MICAL2: variants seen among roughly 807,000 people sequenced by gnomAD.
MICAL2 encodes microtubule associated monooxygenase, calponin and LIM domain containing 2, also known as [F-actin]-monooxygenase MICAL2.
In MICAL2, 77 loss-of-function variants were observed where a neutral mutation model predicts 127.3. The observed-to-expected ratio is 0.60, with a 90% CI of 0.50 to 0.73. The LOEUF is 0.73. Among genes scored for constraint, MICAL2 ranks in the 30% least tolerant of loss-of-function variants. The probability of loss-of-function intolerance (pLI) is 0.00; values close to 1 mark genes in which losing one functional copy is unlikely to be tolerated. For missense variants in MICAL2, 1,351 were observed against 1,434.4 expected (o/e 0.94, Z 0.94); for synonymous variants, 570 against 551.1 (o/e 1.03, Z -0.48).
intron 27 of MICAL2, 112 bp downstream of exon 27, chr11:12,262,649 A>G (rs1223705463): frequency 1.8e-5 from 16 of 905,008 alleles, no homozygotes; most frequent in South Asian, 1.7e-4. Context: ...AGTGTCTTGC[A>G]TACTGATGGA....
Position 12,241,034 on chromosome 11 carries a change from T to C in MICAL2, c.2215-6T>C. On this transcript the variant is annotated splice_polypyrimidine_tract_variant and splice_region_variant and intron_variant, in intron 17 of 27. Coordinates refer to ENST00000683283, the MANE Select transcript of MICAL2 (RefSeq NM_001282663.2). ...TGCTTTTTTGGACTCGCCTTTCTTC[T>C]CCCAGGAACGCCGTGTCTCAGGGAT... is the stretch of plus-strand genomic sequence containing the variant. The C allele has an allele frequency of 1.9e-6, 3 of 1,613,262 alleles. No individual in the cohort carries two copies. Among genetic ancestry groups the C allele is most frequent in the Non-Finnish European group, 2.5e-6 (3 of 1,179,614 alleles).
At chr11:12,139,452 G>A (rs1333225141) in intron 2 of MICAL2, among the ~76,000 whole-genome samples, 2 of 152,156 alleles carry the variant, frequency 1.3e-5, no homozygotes, top group East Asian at 3.9e-4. Context: ...TGAGGGGAGA[G>A]CATCAGGGCC....
downstream of MICAL2, among the ~76,000 whole-genome samples, chr11:12,288,509 T>A (rs1863855228): frequency 6.6e-6 from 1 of 152,168 alleles, no homozygotes; most frequent in Admixed American, 6.5e-5. Context: ...AGCCCCATGG[T>A]GTCTGGGATG....
intron 27 of MICAL2, 87 bp downstream of exon 27, chr11:12,262,624 G>A (rs1863285105): frequency 2.6e-6 from 3 of 1,140,818 alleles, no homozygotes; most frequent in Non-Finnish European, 4.0e-6. Flanking sequence ...AGCAGTACTG[G>A]TTGCACTAAC....
chr11:12,343,406 T>TAAA (rs57546290), intron 32 of MICAL2, among the ~76,000 whole-genome samples: 2,001 of 110,058 alleles, frequency 0.018, 39 homozygotes, highest in South Asian at 0.022. Flanking sequence ...TTCATCTCAT[T>TAAA]AAAAAAAAAA....
rs143416544 is a variant in MICAL2 at position 12,251,320 on chromosome 11, G to T, written c.2847+2074G>T. 4.4e-3 allele frequency among the ~76,000 whole-genome samples: 670 copies of T among 151,962 alleles called. 3 individuals carry two copies. The highest frequency in any genetic ancestry group is 0.016 in the African/African-American group (644 of 41,384). ...ATATCCTCACTCTGAGAGCCGGTAA[G>T]GCCGTCCTGCTGTCAAGAAATAGAA... On this transcript the variant is annotated intron_variant, in intron 22 of 27. Coordinates refer to ENST00000683283, the MANE Select transcript of MICAL2 (RefSeq NM_001282663.2).
intron 32 of MICAL2, among the ~76,000 whole-genome samples, chr11:12,329,624 C>A (rs956053306): frequency 4.6e-5 from 7 of 152,104 alleles, no homozygotes; most frequent in African/African-American, 1.7e-4. Context: ...AGATAATAAT[C>A]CCCATATTAT....
intron 2 of MICAL2, among the ~76,000 whole-genome samples, chr11:12,149,014 G>T (rs1408095205): frequency 6.6e-6 from 1 of 152,200 alleles, no homozygotes. Context: ...ATGGTGGGTT[G>T]GGTTTGGTGA....
rs1409354170 is a variant in MICAL2, at chr11:12,209,540, G to T, written c.633G>T (p.Leu211=). 4.3e-6 allele frequency: 7 copies of T among 1,614,168 alleles called. No homozygotes were observed. The highest frequency in any genetic ancestry group is 1.7e-5 in the Admixed American group (1 of 60,012). The change falls in exon 6 of 28, where the codon CTG becomes CTT. Residue 211 remains leucine (L), a synonymous_variant. Transcript: ENST00000683283. The part of the protein sequence containing the change: ...RAEFLPTDHS[L]SEFEFDVIIG... ...AATTTCTCCCTACAGACCATTCTCT[G>T]TCGGAGTTTGAGTTTGACGTCATCA...
At chr11:12,219,299 T>C (rs1386677030) in intron 8 of MICAL2, among the ~76,000 whole-genome samples, 2 of 152,068 alleles carry the variant, frequency 1.3e-5, no homozygotes, top group African/African-American at 4.8e-5. Context: ...CTCTCTTCAA[T>C]CCTCACATCC....
chr11:12,242,592 CA>C, intron 19 of MICAL2, 78 bp from the exon 20 acceptor site: 1 of 1,481,260 alleles, frequency 6.8e-7, no homozygotes, highest in Non-Finnish European at 9.4e-7. Flanking sequence ...CTGCCTCCCT[CA>C]CCCACTTCTT....
At chr11:12,149,495 G>A (rs1045208961) in intron 2 of MICAL2, among the ~76,000 whole-genome samples, 1 of 152,160 alleles carries the variant, frequency 6.6e-6, no homozygotes, top group Non-Finnish European at 1.5e-5. Flanking sequence ...ATGTTTTTAC[G>A]AGATTTTGAG....
chr11:12,149,240 A>AG (rs774250729), intron 2 of MICAL2, among the ~76,000 whole-genome samples: 6 of 151,682 alleles, frequency 4.0e-5, no homozygotes, highest in Non-Finnish European at 7.4e-5. Context: ...CTAGAGTATG[A>AG]GGGGGCGGGG....
intron 1 of MICAL2, among the ~76,000 whole-genome samples, chr11:12,111,189 C>T (rs949049329): frequency 6.6e-6 from 1 of 152,220 alleles, no homozygotes; most frequent in Non-Finnish European, 1.5e-5. Flanking sequence ...TCCCCTGTCC[C>T]CTCCCTCTTT....
At chr11:12,187,932 G>T (rs140560403) in intron 3 of MICAL2, among the ~76,000 whole-genome samples, 102 of 152,232 alleles carry the variant, frequency 6.7e-4, no homozygotes, top group African/African-American at 2.4e-3. Flanking sequence ...GGAAGGAAAA[G>T]CTTGAACTGC....
At chr11:12,168,431 AT>A (rs1421210717) in intron 3 of MICAL2, among the ~76,000 whole-genome samples, 3 of 151,250 alleles carry the variant, frequency 2.0e-5, no homozygotes, top group African/African-American at 7.3e-5. Context: ...CACACACCAT[AT>A]ACACACATAC....
At position 12,222,640 on chromosome 11, in the gene MICAL2, C is replaced by T. The variant is rs200845933; in HGVS notation, c.1346C>T (p.Pro449Leu). The change falls in exon 11 of 28, where the codon CCT becomes CTT. Residue 449 changes from proline (P) to leucine (L), a missense_variant. By Grantham distance (98) the Pro-to-Leu change is moderately conservative. Transcript: ENST00000683283. ...AERESLYRLLPQTTPENINKN... is the reference protein window; with the variant it reads ...AERESLYRLLLQTTPENINKN... ...AGGGAAAGTCTCTACCGGCTGTTAC[C>T]TCAGACAACCCCGGAGAACATCAAC... The T allele has an allele frequency of 6.2e-6, 10 of 1,614,146 alleles. No homozygotes were observed. The highest frequency in any genetic ancestry group is 3.3e-5 in the Admixed American group (2 of 60,010).
Position 12,156,306 on chromosome 11 carries a change from T to C in MICAL2, c.-77-5773T>C, listed in dbSNP as rs113048819. Among the ~76,000 whole-genome samples the C allele has an allele frequency of 3.7e-3, 556 of 152,304 alleles. 7 individuals are homozygous for C. Among genetic ancestry groups the C allele is most frequent in the African/African-American group, 0.013 (528 of 41,564 alleles). On this transcript the variant is annotated intron_variant, in intron 2 of 27. Coordinates refer to ENST00000683283, the MANE Select transcript of MICAL2 (RefSeq NM_001282663.2). ...ATAAGAGGACTCTCCATGTGTGCCTTCAGTGTGCATGGAAAGGGGCTTGGG... is the reference window on the plus strand; with the variant it reads ...ATAAGAGGACTCTCCATGTGTGCCTCCAGTGTGCATGGAAAGGGGCTTGGG...
At chr11:12,268,428 C>G (rs974950712), downstream of MICAL2, among the ~76,000 whole-genome samples, 1 of 152,236 alleles carries the variant, frequency 6.6e-6, no homozygotes, top group Admixed American at 6.5e-5. Flanking sequence ...CACACACATC[C>G]TCTGTCCCCT....
Sources: allele counts gnomAD v4.1 joint callset (sites outside exome capture counted in the v4.1 genomes callset), GRCh38; gene constraint gnomAD v4.1.1; transcripts MANE v1.5; gene names NCBI Gene and HGNC (gene_info 2026-07-23, HGNC 2026-07-21).